C3orf70: variants seen among roughly 807,000 people sequenced by gnomAD.
C3orf70 encodes the protein UPF0524 protein C3orf70.
A neutral mutation model predicts 20.7 loss-of-function variants in C3orf70; 15 were observed. That is an observed-to-expected ratio of 0.72 (90% CI 0.48 to 1.11). The LOEUF (loss-of-function observed/expected upper bound fraction) is 1.11. Ranked by LOEUF, C3orf70 falls within the 50% of genes most tolerant of loss-of-function variation. The probability of loss-of-function intolerance (pLI) is 0.00; values close to 1 mark genes in which losing one functional copy is unlikely to be tolerated. For missense variants in C3orf70, 332 were observed against 317.6 expected (o/e 1.05, Z -0.34); for synonymous variants, 161 against 125.7 (o/e 1.28, Z -1.88).
chr3:185,087,533 C>A (rs1715482660), intron 1 of C3orf70, among the ~76,000 whole-genome samples: 1 of 152,192 alleles, frequency 6.6e-6, no homozygotes, highest in Non-Finnish European at 1.5e-5. Flanking sequence ...ACCTTGAGGA[C>A]ACTATGCTAA....
At chr3:185,125,246 G>A (rs1339823663) in intron 1 of C3orf70, among the ~76,000 whole-genome samples, 1 of 152,080 alleles carries the variant, frequency 6.6e-6, no homozygotes, top group Non-Finnish European at 1.5e-5. Context: ...GGGTGTGGTG[G>A]AGCATGCCTG....
intron 1 of C3orf70, among the ~76,000 whole-genome samples, chr3:185,142,148 A>G (rs1233340617): frequency 6.6e-6 from 1 of 152,178 alleles, no homozygotes; most frequent in African/African-American, 2.4e-5. Flanking sequence ...ATACTTGATT[A>G]TAACACACTG....
intron 1 of C3orf70, among the ~76,000 whole-genome samples, chr3:185,135,817 AAAG>A (rs1350716407): frequency 4.6e-5 from 7 of 152,236 alleles, no homozygotes; most frequent in African/African-American, 1.7e-4. Context: ...AGAGATACAC[AAAG>A]AAGACATTCA....
rs182189002 is a variant in C3orf70 at position 185,089,295 on chromosome 3, G to T, written c.197-5732C>A. Among the ~76,000 whole-genome samples the T allele has an allele frequency of 1.2e-3, 175 of 151,774 alleles. 1 individual carries two copies. The highest frequency in any genetic ancestry group is 4.2e-3 in the Admixed American group (64 of 15,244). ...TTATTTATATAAGCATGGACCCACA[G>T]ATATTTATTCTGTGTATTGCTACCT... On this transcript the variant is annotated intron_variant, in intron 1 of 1. Coordinates refer to ENST00000335012, the MANE Select transcript of C3orf70 (RefSeq NM_001025266.3).
rs534844704 is a variant in C3orf70 at position 185,085,547 on chromosome 3, C to T, written c.197-1984G>A. On this transcript the variant is annotated intron_variant, in intron 1 of 1. Transcript: ENST00000335012. ...TTCCCAGGGTGCTTCCAAGCCTGGA[C>T]GTACCTCATGCAAACCCCGCAGTCT... Among the ~76,000 whole-genome samples, 27 of 152,270 alleles carry T rather than the reference C, an allele frequency of 1.8e-4. No individual in the cohort carries two copies. The East Asian group carries it at 4.8e-3, about 27-fold the overall frequency.
chr3:185,088,654 T>G (rs1715506495), intron 1 of C3orf70, among the ~76,000 whole-genome samples: 1 of 152,234 alleles, frequency 6.6e-6, no homozygotes, highest in African/African-American at 2.4e-5. Flanking sequence ...CAGGTGATGT[T>G]TATTAACTTT....
intron 1 of C3orf70, among the ~76,000 whole-genome samples, chr3:185,122,324 G>A (rs927385685): frequency 6.6e-6 from 1 of 152,062 alleles, no homozygotes; most frequent in African/African-American, 2.4e-5. Context: ...GAATACCATT[G>A]GCCCTCCATA....
chr3:185,120,135 G>A (rs2108598848), intron 1 of C3orf70, among the ~76,000 whole-genome samples: 1 of 152,204 alleles, frequency 6.6e-6, no homozygotes, highest in South Asian at 2.1e-4. Context: ...CTGCTAATGG[G>A]TAAAGGGTAA....
chr3:185,123,866 T>C (rs897835326), intron 1 of C3orf70, among the ~76,000 whole-genome samples: 8 of 152,224 alleles, frequency 5.3e-5, no homozygotes, highest in African/African-American at 1.9e-4. Context: ...AAATTATTTT[T>C]TCCAGAATTA....
intron 1 of C3orf70, among the ~76,000 whole-genome samples, chr3:185,113,687 G>A (rs1333162719): frequency 1.3e-5 from 2 of 152,124 alleles, no homozygotes; most frequent in African/African-American, 4.8e-5. Context: ...GACACAGTGG[G>A]CTATTAATGC....
intron 1 of C3orf70, among the ~76,000 whole-genome samples, chr3:185,093,538 G>T (rs1316148105): frequency 2.0e-5 from 3 of 152,160 alleles, no homozygotes; most frequent in Non-Finnish European, 4.4e-5. Context: ...GGAAAGAGAA[G>T]TGTAGAATGC....
At chr3:185,100,033 A>G (rs1715789930) in intron 1 of C3orf70, among the ~76,000 whole-genome samples, 1 of 152,332 alleles carries the variant, frequency 6.6e-6, no homozygotes, top group Non-Finnish European at 1.5e-5. Flanking sequence ...CACCCAACAC[A>G]GGAGCACCCA....
chr3:185,131,123 T>C (rs1198531405), intron 1 of C3orf70, among the ~76,000 whole-genome samples: 4 of 152,220 alleles, frequency 2.6e-5, no homozygotes, highest in African/African-American at 9.6e-5. Flanking sequence ...CCAACACTTA[T>C]CTTTCTTTGT....
intron 1 of C3orf70, among the ~76,000 whole-genome samples, chr3:185,138,413 A>G (rs999772196): frequency 6.6e-6 from 1 of 151,894 alleles, no homozygotes; most frequent in Non-Finnish European, 1.5e-5. Context: ...TGAAGTTACA[A>G]TTACCAGACA....
At chr3:185,091,952 TATATATATA>T (rs1715595610) in intron 1 of C3orf70, among the ~76,000 whole-genome samples, 1 of 5,444 alleles carries the variant, frequency 1.8e-4, no homozygotes, top group African/African-American at 8.7e-4. Context: ...TATATATATA[TATATATATA>T]TATTTTTTTT....
intron 1 of C3orf70, among the ~76,000 whole-genome samples, chr3:185,131,708 A>C (rs1206848196): frequency 1.3e-5 from 2 of 152,232 alleles, no homozygotes; most frequent in Admixed American, 6.5e-5. Flanking sequence ...CCCAAGTAAA[A>C]GTAGAAATTC....
intron 1 of C3orf70, among the ~76,000 whole-genome samples, chr3:185,114,208 A>C (rs1056253059): frequency 6.8e-5 from 10 of 147,498 alleles, no homozygotes; most frequent in Middle Eastern, 3.4e-3. Context: ...CCCACCCCCC[A>C]AAAAAAGAAA....
chr3:185,112,152 G>C (rs542149770), intron 1 of C3orf70, among the ~76,000 whole-genome samples: 2 of 152,116 alleles, frequency 1.3e-5, no homozygotes, highest in African/African-American at 2.4e-5. Context: ...AATAAGCCAG[G>C]TGTGGTGGGC....
intron 1 of C3orf70, among the ~76,000 whole-genome samples, chr3:185,141,982 C>T (rs1042027926): frequency 2.0e-5 from 3 of 151,958 alleles, no homozygotes; most frequent in Admixed American, 6.6e-5. Context: ...TGATCTGGGG[C>T]AGGGAAATCA....
Sources: allele counts gnomAD v4.1 joint callset (sites outside exome capture counted in the v4.1 genomes callset), GRCh38; gene constraint gnomAD v4.1.1; transcripts MANE v1.5; gene names NCBI Gene and HGNC (gene_info 2026-07-23, HGNC 2026-07-21).